GRID1: variants seen among roughly 807,000 people sequenced by gnomAD.
The protein encoded by GRID1 is glutamate ionotropic receptor delta type subunit 1, also known as glutamate receptor ionotropic, delta-1.
A neutral mutation model predicts 98.0 loss-of-function variants in GRID1; 28 were observed. The ratio of observed to expected loss-of-function variants is 0.29; its 90% CI spans 0.21 to 0.39. The LOEUF (loss-of-function observed/expected upper bound fraction) is 0.39, where lower values mean the gene tolerates loss of function less well. Among genes scored for constraint, GRID1 ranks in the 10% least tolerant of loss-of-function variants. The pLI, the probability that GRID1 is intolerant of heterozygous loss-of-function variation, is 1.00. For missense variants in GRID1, 1,111 were observed against 1,340.5 expected, an observed-to-expected ratio of 0.83 and a Z score of 2.67; for synonymous variants, 553 against 538.5, an observed-to-expected ratio of 1.03 and a Z score of -0.37.
intron 2 of GRID1, among the ~76,000 whole-genome samples, chr10:86,253,292 T>C (rs1055156688): frequency 1.8e-4 from 27 of 152,222 alleles, no homozygotes; most frequent in African/African-American, 6.0e-4. Context: ...GGAGAACTGT[T>C]TTCCCCACAG....
At chr10:86,339,594 T>G (rs1414917521) in intron 2 of GRID1, among the ~76,000 whole-genome samples, 1 of 152,202 alleles carries the variant, frequency 6.6e-6, no homozygotes, top group Non-Finnish European at 1.5e-5. Context: ...GGCATGGCCA[T>G]GTGAGCAGCC....
chr10:86,184,988 T>A (rs1331797612), intron 3 of GRID1, among the ~76,000 whole-genome samples: 1 of 152,146 alleles, frequency 6.6e-6, no homozygotes, highest in African/African-American at 2.4e-5. Context: ...CCATACAAAT[T>A]TTACAATTAG....
At chr10:85,727,113 G>A (rs1319311951) in intron 10 of GRID1, among the ~76,000 whole-genome samples, 1 of 152,192 alleles carries the variant, frequency 6.6e-6, no homozygotes, top group Non-Finnish European at 1.5e-5. Flanking sequence ...CTAACAAGAT[G>A]CATGGGGGTG....
In GRID1 at chr10:85,687,573, T is replaced by C. The variant is rs577597792; in HGVS notation, c.1997+35430A>G. Reference sequence around the variant, plus strand: ...GGAGCCCAGGAGATTGAGGCTGCAATGAGCTAAGATGGCGTCACTGTACTC... The same window carrying C: ...GGAGCCCAGGAGATTGAGGCTGCAACGAGCTAAGATGGCGTCACTGTACTC... On this transcript the variant is annotated intron_variant, in intron 12 of 15. Coordinates refer to ENST00000327946, the MANE Select transcript of GRID1 (RefSeq NM_017551.3). 2.0e-5 allele frequency among the ~76,000 whole-genome samples: 3 copies of C among 151,942 alleles called. No homozygotes were observed. The South Asian group carries it at 6.3e-4, about 32-fold the overall frequency.
intron 8 of GRID1, among the ~76,000 whole-genome samples, chr10:85,820,946 A>G (rs1222067534): frequency 1.3e-5 from 2 of 152,220 alleles, no homozygotes; most frequent in Non-Finnish European, 2.9e-5. Flanking sequence ...ATATATCCAC[A>G]TGAAGACATT....
intron 4 of GRID1, among the ~76,000 whole-genome samples, chr10:85,973,622 A>G (rs1323421351): frequency 6.6e-6 from 1 of 152,176 alleles, no homozygotes; most frequent in Non-Finnish European, 1.5e-5. Flanking sequence ...AACTATTTCT[A>G]TATAAAGTAG....
At chr10:85,875,171 C>T (rs906253390) in intron 5 of GRID1, among the ~76,000 whole-genome samples, 1 of 152,146 alleles carries the variant, frequency 6.6e-6, no homozygotes, top group Non-Finnish European at 1.5e-5. Flanking sequence ...AGCTATCGTG[C>T]CTGGCCAGGG....
chr10:86,250,116 T>C (rs932730999), intron 2 of GRID1, among the ~76,000 whole-genome samples: 1 of 152,074 alleles, frequency 6.6e-6, no homozygotes, highest in Non-Finnish European at 1.5e-5. Context: ...TGCATGCATG[T>C]ATGAGTCAAC....
rs1240187614 is a variant in GRID1 at position 86,040,496 on chromosome 10, T to A, written c.726+98323A>T. ...GCACAGAAAGCCAAATACTACATGATCTCACTCATATCTTAAAAAAAAAAA... is the reference window on the plus strand; with the variant it reads ...GCACAGAAAGCCAAATACTACATGAACTCACTCATATCTTAAAAAAAAAAA... On this transcript the variant is annotated intron_variant, in intron 4 of 15. Transcript: ENST00000327946. Among the ~76,000 whole-genome samples the A allele has an allele frequency of 5.8e-5, 8 of 137,866 alleles. No individual in the cohort carries two copies. The East Asian group carries it at 1.7e-3, about 29-fold the overall frequency. 90.4% of individuals were successfully genotyped at this position (137,866 alleles called of 152,430 possible).
intron 14 of GRID1, among the ~76,000 whole-genome samples, chr10:85,615,324 C>G (rs986036557): frequency 4.6e-5 from 7 of 152,180 alleles, no homozygotes; most frequent in Admixed American, 1.3e-4. Context: ...TACTAAAGAT[C>G]AGTGTTCTCA....
intron 2 of GRID1, among the ~76,000 whole-genome samples, chr10:86,316,899 T>C (rs1228115070): frequency 6.6e-6 from 1 of 152,224 alleles, no homozygotes; most frequent in Non-Finnish European, 1.5e-5. Flanking sequence ...ACCCTGAGTG[T>C]GCACAAGAAT....
chr10:86,135,532 T>A (rs2131969569), intron 4 of GRID1, among the ~76,000 whole-genome samples: 1 of 152,216 alleles, frequency 6.6e-6, no homozygotes, highest in Middle Eastern at 3.4e-3. Context: ...TGGTGGCTAC[T>A]AAGATGGTGC....
At chr10:85,979,492 G>T (rs1409993735) in intron 4 of GRID1, among the ~76,000 whole-genome samples, 1 of 152,138 alleles carries the variant, frequency 6.6e-6, no homozygotes, top group African/African-American at 2.4e-5. Context: ...AGGAGGGATC[G>T]CTTCCAAGCC....
intron 2 of GRID1, among the ~76,000 whole-genome samples, chr10:86,343,262 A>C (rs1428626886): frequency 6.6e-6 from 1 of 152,258 alleles, no homozygotes; most frequent in African/African-American, 2.4e-5. Context: ...AAAATAAATC[A>C]TTTAACAAAA....
intron 8 of GRID1, among the ~76,000 whole-genome samples, chr10:85,804,067 A>AC (rs113575672): frequency 6.6e-6 from 1 of 151,682 alleles, no homozygotes; most frequent in African/African-American, 2.4e-5. Flanking sequence ...TTGAAAAAAA[A>AC]CAGAAAATAT....
chr10:85,835,991 T>C (rs1156857167), intron 8 of GRID1, among the ~76,000 whole-genome samples: 5 of 151,980 alleles, frequency 3.3e-5, no homozygotes, highest in Non-Finnish European at 7.4e-5. Flanking sequence ...GAACTGAATA[T>C]AAATGAAATG....
intron 8 of GRID1, among the ~76,000 whole-genome samples, chr10:85,837,911 A>C (rs1291797640): frequency 1.3e-5 from 2 of 152,234 alleles, no homozygotes; most frequent in African/African-American, 4.8e-5. Flanking sequence ...GAAGGTAAAA[A>C]TCATGATAAT....
At chr10:86,309,617 T>C (rs1245038562) in intron 2 of GRID1, among the ~76,000 whole-genome samples, 2 of 152,214 alleles carry the variant, frequency 1.3e-5, no homozygotes, top group South Asian at 2.1e-4. Flanking sequence ...GGAGGAACTC[T>C]GAACTAGAGA....
At chr10:86,275,219 A>G (rs181923821) in intron 2 of GRID1, among the ~76,000 whole-genome samples, 25 of 152,354 alleles carry the variant, frequency 1.6e-4, no homozygotes, top group Non-Finnish European at 2.8e-4. Context: ...AAGACAATGA[A>G]TACAATCTTT....
Sources: gnomAD v4.1 joint callset for allele counts (sites outside exome capture counted in the v4.1 genomes callset) on GRCh38, gnomAD v4.1.1 for gene constraint, MANE v1.5 for transcripts, NCBI Gene and HGNC (gene_info 2026-07-23, HGNC 2026-07-21) for gene names.